Variants in SMAD3 observed in about 807,000 individuals in gnomAD.
SMAD3 encodes the protein MAD homolog 3.
A neutral mutation model predicts 51.8 loss-of-function variants in SMAD3; 12 were observed. The ratio of observed to expected loss-of-function variants is 0.23; its 90% CI spans 0.15 to 0.38. SMAD3 has a LOEUF of 0.38. Ranked by LOEUF, SMAD3 falls within the 10% of genes least tolerant of loss-of-function variation. The pLI is 1.00. For synonymous variants in SMAD3, 238 were observed against 227.7 expected, an observed-to-expected ratio of 1.05 and a Z score of -0.41; for missense variants, 294 against 565.6, an observed-to-expected ratio of 0.52 and a Z score of 4.87.
intron 2 of SMAD3, 37 bp from the exon 3 acceptor site, chr15:67,165,216 G>A (rs1331311520): frequency 4.3e-6 from 7 of 1,613,934 alleles, no homozygotes; most frequent in East Asian, 2.2e-5. Flanking sequence ...GTCTGGCATC[G>A]ACACTGAGCC....
intron 1 of SMAD3, among the ~76,000 whole-genome samples, chr15:67,144,147 C>T (rs1038990659): frequency 1.3e-5 from 2 of 152,126 alleles, no homozygotes; most frequent in Non-Finnish European, 2.9e-5. Flanking sequence ...TGCAATTTCA[C>T]CATCTTGTTT....
chr15:67,084,855 T>C (rs1960355845), intron 1 of SMAD3, among the ~76,000 whole-genome samples: 1 of 152,320 alleles, frequency 6.6e-6, no homozygotes, highest in Non-Finnish European at 1.5e-5. Flanking sequence ...GTTCACAGGT[T>C]GGTTAGAGAT....
chr15:67,167,987 T>C (rs959437975), intron 4 of SMAD3, among the ~76,000 whole-genome samples: 1 of 152,188 alleles, frequency 6.6e-6, no homozygotes, highest in Non-Finnish European at 1.5e-5. Context: ...AGAGTCTCCC[T>C]CTGTTGCCCA....
At position 67,193,739 on chromosome 15, in the gene SMAD3, C is replaced by T. The variant is rs142744440; in HGVS notation, c.*3203C>T. On this transcript the variant is annotated 3_prime_UTR_variant, in exon 9 of 9. Transcript: ENST00000327367. ...CATGGTGATTATTTTTTTAAACCAT[C>T]GTTAATATACTGAAGTGAGCTATAG... 1.4e-3 allele frequency: 326 copies of T among 232,476 alleles called. 4 individuals are homozygous for T. In the East Asian group the frequency reaches 0.015, roughly 11 times the overall value. 14.4% of individuals were successfully genotyped at this position (232,476 alleles called of 1,614,324 possible).
At chr15:67,174,899 C>T (rs1343141106) in intron 5 of SMAD3, among the ~76,000 whole-genome samples, 2 of 152,210 alleles carry the variant, frequency 1.3e-5, no homozygotes, top group African/African-American at 4.8e-5. Context: ...GCCTCCTTGC[C>T]CCAGCAAAGC....
chr15:67,162,320 G>C (rs1159654015), intron 1 of SMAD3, among the ~76,000 whole-genome samples: 2 of 152,206 alleles, frequency 1.3e-5, no homozygotes, highest in Admixed American at 1.3e-4. Context: ...AGCCCTGCCA[G>C]CTATTAGAAA....
In SMAD3 at chr15:67,164,792, GGAGA is replaced by G. The variant is rs1962529667; in HGVS notation, c.207-97_207-94del. ...ACCTCTGGATCTGGGAGAAATGAGG[GGAGA>G]GAGAGCTTTCCAAGTGTCTGAAAGT... On this transcript the variant is annotated intron_variant, in intron 1 of 8. Coordinates refer to ENST00000327367, the MANE Select transcript of SMAD3 (RefSeq NM_005902.4). The G allele has an allele frequency of 2.5e-6, 3 of 1,192,010 alleles. No individual in the cohort carries two copies. In the African/African-American group the frequency reaches 4.5e-5, roughly 18 times the overall value. 73.8% of individuals were successfully genotyped at this position (1,192,010 alleles called of 1,614,324 possible).
chr15:67,131,780 C>A (rs971642553), intron 1 of SMAD3, among the ~76,000 whole-genome samples: 1 of 152,202 alleles, frequency 6.6e-6, no homozygotes, highest in Non-Finnish European at 1.5e-5. Context: ...CTTACCTGGT[C>A]TTCAGTTTTA....
intron 1 of SMAD3, among the ~76,000 whole-genome samples, chr15:67,142,016 T>C (rs1961838294): frequency 6.6e-6 from 1 of 152,200 alleles, no homozygotes; most frequent in African/African-American, 2.4e-5. Context: ...CCTCACAGGC[T>C]TGTTCAGTCA....
chr15:67,083,231 G>A (rs888746733), intron 1 of SMAD3, among the ~76,000 whole-genome samples: 6 of 152,276 alleles, frequency 3.9e-5, no homozygotes, highest in African/African-American at 9.6e-5. Context: ...GCGTCAGCCT[G>A]TTGGGGAGAC....
chr15:67,167,258 G>C (rs970180551), intron 4 of SMAD3, among the ~76,000 whole-genome samples: 1 of 152,186 alleles, frequency 6.6e-6, no homozygotes, highest in South Asian at 2.1e-4. Context: ...GAGTCATGGG[G>C]GTTGGGCAGG....
rs1355652323 is a variant in SMAD3, at chr15:67,170,296, T to C, written c.608-258T>C. Among the ~76,000 whole-genome samples the C allele has an allele frequency of 2.0e-5, 3 of 152,194 alleles. No homozygotes were observed. The East Asian group carries it at 5.8e-4, about 29-fold the overall frequency. ...AGTCTTGGTTAGGATCATAAAACTATCTGAGACCTCTGAGATCATAATCAT... is the reference window on the plus strand; with the variant it reads ...AGTCTTGGTTAGGATCATAAAACTACCTGAGACCTCTGAGATCATAATCAT... On this transcript the variant is annotated intron_variant, in intron 4 of 8. Coordinates refer to ENST00000327367, the MANE Select transcript of SMAD3 (RefSeq NM_005902.4).
At chr15:67,159,800 T>C (rs1171771566) in intron 1 of SMAD3, among the ~76,000 whole-genome samples, 4 of 152,260 alleles carry the variant, frequency 2.6e-5, no homozygotes, top group Non-Finnish European at 5.9e-5. Flanking sequence ...CATGCCTGGC[T>C]TCTTTCACGC....
intron 1 of SMAD3, among the ~76,000 whole-genome samples, chr15:67,123,146 G>A (rs12438965): frequency 0.95 from 141,000 of 148,024 alleles, 67,488 homozygotes; most frequent in East Asian, 1. Context: ...CAGTGAACTC[G>A]CCACTGTACT....
At chr15:67,107,936 C>T (rs530255355) in intron 1 of SMAD3, among the ~76,000 whole-genome samples, 12 of 151,938 alleles carry the variant, frequency 7.9e-5, no homozygotes, top group African/African-American at 2.7e-4. Flanking sequence ...GTCATCTCCC[C>T]GAGCAGCCTC....
chr15:67,095,939 A>C (rs1313762981), intron 1 of SMAD3, among the ~76,000 whole-genome samples: 1 of 152,210 alleles, frequency 6.6e-6, no homozygotes, highest in South Asian at 2.1e-4. Context: ...TGCCCCATTC[A>C]CATGTAGCAT....
At chr15:67,072,191 T>C (rs1960069582) in intron 1 of SMAD3, among the ~76,000 whole-genome samples, 1 of 152,240 alleles carries the variant, frequency 6.6e-6, no homozygotes, top group South Asian at 2.1e-4. Context: ...TGTATTATTA[T>C]AATGGAATAA....
intron 5 of SMAD3, among the ~76,000 whole-genome samples, chr15:67,175,645 G>A (rs938686396): frequency 2.6e-4 from 40 of 152,186 alleles, no homozygotes; most frequent in African/African-American, 9.4e-4. Flanking sequence ...GTGTGAATCG[G>A]GGGCAAGTTG....
At chr15:67,140,496 C>T (rs965270532) in intron 1 of SMAD3, among the ~76,000 whole-genome samples, 1 of 152,190 alleles carries the variant, frequency 6.6e-6, no homozygotes. Flanking sequence ...TTGAAATCTC[C>T]AGGCTGAGAA....
Sources: allele counts gnomAD v4.1 joint callset (sites outside exome capture counted in the v4.1 genomes callset), GRCh38; gene constraint gnomAD v4.1.1; transcripts MANE v1.5; gene names NCBI Gene and HGNC (gene_info 2026-07-23, HGNC 2026-07-21).